ANTXRL: variants seen among roughly 807,000 people sequenced by gnomAD.
ANTXRL encodes anthrax toxin receptor-like.
A neutral mutation model predicts 75.4 loss-of-function variants in ANTXRL; 63 were observed. The observed-to-expected ratio is 0.84, with a 90% confidence interval of 0.68 to 1.03. ANTXRL has a LOEUF of 1.03. Among genes scored for constraint, ANTXRL ranks in the 50% least tolerant of loss-of-function variants. The pLI, the probability that ANTXRL is intolerant of heterozygous loss-of-function variation, is 0.00. For synonymous variants in ANTXRL, 335 were observed against 291.3 expected, an observed-to-expected ratio of 1.15 and a Z score of -1.53; for missense variants, 797 against 789.4, an observed-to-expected ratio of 1.01 and a Z score of -0.12.
chr10:46,302,249 G>A (rs1404808036), intron 9 of ANTXRL, among the ~76,000 whole-genome samples: 1 of 152,158 alleles, frequency 6.6e-6, no homozygotes, highest in Non-Finnish European at 1.5e-5. Flanking sequence ...GACCTCGAAT[G>A]TTCAGCAGCC....
chr10:46,308,579 C>A, intron 12 of ANTXRL: 1 of 390,466 alleles, frequency 2.6e-6, no homozygotes, highest in South Asian at 1.9e-5. Flanking sequence ...TGCTTATACC[C>A]CATGTGGCCC....
At chr10:46,319,225 G>A (rs1162351703) in intron 16 of ANTXRL, among the ~76,000 whole-genome samples, 8 of 152,138 alleles carry the variant, frequency 5.3e-5, no homozygotes, top group African/African-American at 1.9e-4. Context: ...TCAATTTGGG[G>A]AGGTTGACCA....
chr10:46,308,396 GCCCCTTCCCTCCCCT>G (rs1333042588), intron 12 of ANTXRL: 14 of 341,200 alleles, frequency 4.1e-5, no homozygotes, highest in South Asian at 3.0e-4. Context: ...ACAGGCCCCT[GCCCCTTCCCTCCCCT>G]CCCCTCCCCT....
chr10:46,289,230 G>A lies in ANTXRL; in HGVS notation c.248+1720G>A, dbSNP rs12781108. Among the ~76,000 whole-genome samples the A allele has an allele frequency of 9.2e-3, 1,404 of 152,236 alleles. 7 individuals carry two copies. Among genetic ancestry groups the A allele is most frequent in the Non-Finnish European group, 0.014 (942 of 68,028 alleles). On this transcript the variant is annotated intron_variant, in intron 1 of 16. Coordinates refer to ENST00000620264, the MANE Select transcript of ANTXRL (RefSeq NM_001278688.3). ...AAGAAAATGAATCAGCCTCCCATGCGCTCCTATTCTTGGCCAGGTGACATT... is the reference window on the plus strand; with the variant it reads ...AAGAAAATGAATCAGCCTCCCATGCACTCCTATTCTTGGCCAGGTGACATT...
chr10:46,288,181 TC>T (rs1378697459), intron 1 of ANTXRL, among the ~76,000 whole-genome samples: 1 of 152,130 alleles, frequency 6.6e-6, no homozygotes, highest in African/African-American at 2.4e-5. Context: ...CCTTTCCTGC[TC>T]CTCCTGCTGG....
intron 16 of ANTXRL, 64 bp from the exon 17 acceptor site, chr10:46,329,535 G>A (rs1839386884): frequency 4.0e-6 from 6 of 1,499,182 alleles, no homozygotes; most frequent in East Asian, 2.5e-5. Context: ...CCAGGCAACC[G>A]CAGCCTTCTG....
Position 46,287,276 on chromosome 10 carries a change from A to G in ANTXRL, c.14A>G (p.Glu5Gly). Residue 5 changes from glutamate to glycine, a missense_variant, in exon 1 of 17, where the codon GAG (glutamate) becomes GGG (glycine). Physicochemically the swap from Glu to Gly is moderately conservative, Grantham distance 98. Around this residue, in one of 3 missense-constraint regions of ANTXRL, gnomAD observed 262 missense variants for 271.9 expected, o/e 0.96. Coordinates refer to ENST00000620264, the MANE Select transcript of ANTXRL (RefSeq NM_001278688.3). ...GACAGCCAGATAATGGGGAGCCATG[A>G]GTCCCTGGGGCCCTACTTCCTGGTC... MGSHESLGPYFLVFL... is the reference protein window; with the variant it reads MGSHGSLGPYFLVFL... The G allele has an allele frequency of 6.5e-7, 1 of 1,535,834 alleles. No individual in the cohort carries two copies. Among genetic ancestry groups the G allele is most frequent in the Non-Finnish European group, 8.7e-7 (1 of 1,146,728 alleles).
Position 46,306,956 on chromosome 10 carries a change from C to T in ANTXRL, c.965+84C>T, listed in dbSNP as rs571356531. 29 of 1,141,714 alleles carry T rather than the reference C, an allele frequency of 2.5e-5. No homozygotes were observed. In the South Asian group the frequency reaches 3.1e-4, roughly 12 times the overall value. 70.7% of individuals were successfully genotyped at this position (1,141,714 alleles called of 1,614,324 possible). A position where few individuals can be genotyped will look rare whatever the true frequency, so the allele number is the denominator to read the frequency against. On this transcript the variant is annotated intron_variant, in intron 11 of 16. Coordinates refer to ENST00000620264, the MANE Select transcript of ANTXRL (RefSeq NM_001278688.3). ...CTTGAGGTGTACAAAATGTGGATGCCCCCCACCCCCTGCTGGGACAGCACA... is the reference window on the plus strand; with the variant it reads ...CTTGAGGTGTACAAAATGTGGATGCTCCCCACCCCCTGCTGGGACAGCACA...
chr10:46,294,226 G>T (rs1837231319), intron 3 of ANTXRL: 1 of 383,574 alleles, frequency 2.6e-6, no homozygotes, highest in Admixed American at 4.4e-5. Context: ...GGCAGGGCGG[G>T]GGTGTGTGTC....
intron 16 of ANTXRL, among the ~76,000 whole-genome samples, chr10:46,321,131 G>A (rs1213725154): frequency 6.6e-6 from 1 of 152,126 alleles, no homozygotes; most frequent in Non-Finnish European, 1.5e-5. Flanking sequence ...GTAGACACTG[G>A]CATTAATGGA....
In ANTXRL at chr10:46,329,492, G is replaced by T. The variant is rs114423721; in HGVS notation, c.1411-107G>T. On this transcript the variant is annotated intron_variant, in intron 16 of 16. Transcript: ENST00000620264. ...GGAGCACAGCAAGGCCCACCCTGTG[G>T]GTCCCGATGGGTCCTGGCCCCATCC... is the stretch of plus-strand genomic sequence containing the variant. 2.2e-3 allele frequency: 3,046 copies of T among 1,393,844 alleles called. 53 individuals are homozygous for T. The African/African-American group carries it at 0.033, about 15-fold the overall frequency. The allele number at this position is 1,393,844 out of a possible 1,614,324, so 86.3% of individuals were successfully genotyped here.
chr10:46,316,354 G>A (rs1374903973), intron 16 of ANTXRL, among the ~76,000 whole-genome samples: 5 of 151,994 alleles, frequency 3.3e-5, no homozygotes, highest in Admixed American at 2.6e-4. Flanking sequence ...ACTAATATAT[G>A]CCATAACTCT....
intron 10 of ANTXRL, among the ~76,000 whole-genome samples, chr10:46,303,049 C>G (rs1304044083): frequency 1.3e-5 from 2 of 152,172 alleles, no homozygotes; most frequent in South Asian, 2.1e-4. Flanking sequence ...CATCTTACAT[C>G]AGGGCTTCCC....
intron 3 of ANTXRL, among the ~76,000 whole-genome samples, chr10:46,295,097 T>C (rs1554958153): frequency 1.3e-5 from 2 of 152,180 alleles, no homozygotes; most frequent in Non-Finnish European, 2.9e-5. Context: ...AGCCCCTGCA[T>C]GCACAGCTGT....
intron 16 of ANTXRL, among the ~76,000 whole-genome samples, chr10:46,315,046 G>A (rs868960994): frequency 6.6e-4 from 101 of 152,294 alleles, no homozygotes; most frequent in African/African-American, 2.3e-3. Context: ...AATCTGGCAG[G>A]AGTTCCCCGT....
rs186378561 is a variant in ANTXRL at position 46,319,500 on chromosome 10, T to C, written c.1410+6184T>C. On this transcript the variant is annotated intron_variant, in intron 16 of 16. Transcript: ENST00000620264. ...GACCAAAGTGAACTCCTTAACAATG[T>C]TTCTTATGAAGCAAACTGACCCAAA... 1.4e-3 allele frequency among the ~76,000 whole-genome samples: 207 copies of C among 152,236 alleles called. 2 individuals carry two copies. The highest frequency in any genetic ancestry group is 4.7e-3 in the African/African-American group (194 of 41,512).
At chr10:46,295,961 G>A (rs1393609028) in intron 3 of ANTXRL, 58 bp from the exon 4 acceptor site, 1 of 1,407,028 alleles carries the variant, frequency 7.1e-7, no homozygotes. Context: ...GAGCTTGGGA[G>A]CTGATTTTTA....
At chr10:46,302,531 C>T (rs1297022112) in intron 9 of ANTXRL, among the ~76,000 whole-genome samples, 191 bp from the exon 10 acceptor site, 1 of 152,154 alleles carries the variant, frequency 6.6e-6, no homozygotes, top group Non-Finnish European at 1.5e-5. Flanking sequence ...GCTGCCTCCT[C>T]CTGGACCCTC....
Sources: allele counts gnomAD v4.1 joint callset (sites outside exome capture counted in the v4.1 genomes callset), GRCh38; gene constraint gnomAD v4.1.1; regional missense constraint gnomAD v4.1.1; transcripts MANE v1.5; gene names NCBI Gene and HGNC (gene_info 2026-07-23, HGNC 2026-07-21).